The following CDS1 variants were observed in gnomAD, a reference collection of about 807,000 sequenced individuals.
CDS1 encodes phosphatidate cytidylyltransferase 1.
CDS1 carries 41 observed loss-of-function variants against 62.1 expected under a neutral mutation model. The observed-to-expected ratio is 0.66, with a 90% CI of 0.51 to 0.86. CDS1 has a LOEUF of 0.86. CDS1 is among the 40% of genes least tolerant of loss of function. CDS1 has a pLI of 0.00. For synonymous variants in CDS1, 185 were observed against 192.6 expected (o/e 0.96, Z 0.32); for missense variants, 470 against 550.1 (o/e 0.85, Z 1.46).
Position 84,631,833 on chromosome 4 carries a change from G to C in CDS1, c.595G>C (p.Val199Leu). 6.2e-7 allele frequency: 1 copy of C among 1,612,504 alleles called. No individual in the cohort carries two copies. Among genetic ancestry groups the C allele is most frequent in the Non-Finnish European group, 8.5e-7 (1 of 1,178,764 alleles). Residue 199 changes from valine to leucine, a missense_variant, in exon 6 of 13, where the codon GTA becomes CTA. Coordinates refer to ENST00000295887, the MANE Select transcript of CDS1 (RefSeq NM_001263.4). ...ALYLAGFCMFVLSLVKKHYRL... is the reference protein window; with the variant it reads ...ALYLAGFCMFLLSLVKKHYRL... ...TTCTTGAACAGGTTTCTGCATGTTT[G>C]TACTGAGTTTGGTGAAGAAACATTA...
At chr4:84,583,697 C>T (rs550546657) in intron 1 of CDS1, among the ~76,000 whole-genome samples, 179 bp downstream of exon 1, 1 of 152,102 alleles carries the variant, frequency 6.6e-6, no homozygotes, top group Non-Finnish European at 1.5e-5. Context: ...GACCCGGGAT[C>T]CCAGTGGCGG....
At chr4:84,590,637 A>C (rs914798911) in intron 1 of CDS1, among the ~76,000 whole-genome samples, 2 of 152,196 alleles carry the variant, frequency 1.3e-5, no homozygotes, top group Non-Finnish European at 2.9e-5. Context: ...CTTGAGCCAA[A>C]TTTAAAGACT....
chr4:84,629,887 G>A (rs561643536), intron 5 of CDS1, among the ~76,000 whole-genome samples: 1 of 152,336 alleles, frequency 6.6e-6, no homozygotes, highest in East Asian at 1.9e-4. Context: ...ATCATTTCAA[G>A]AAAGAGAAAA....
intron 12 of CDS1, among the ~76,000 whole-genome samples, chr4:84,647,169 T>C (rs1724581752): frequency 6.6e-6 from 1 of 152,198 alleles, no homozygotes; most frequent in South Asian, 2.1e-4. Flanking sequence ...GTTTCTTTTT[T>C]CTAGTAAGCA....
intron 3 of CDS1, among the ~76,000 whole-genome samples, chr4:84,610,563 G>A (rs1019901605): frequency 6.6e-6 from 1 of 152,136 alleles, no homozygotes; most frequent in Non-Finnish European, 1.5e-5. Flanking sequence ...ATGATACAGT[G>A]GTACTGAGAA....
In CDS1 at chr4:84,638,005, C is replaced by T. The variant is rs146251003; in HGVS notation, c.811-919C>T. The stretch of plus-strand genomic sequence containing the variant: ...CTTTATGAATATCAGGACAAGAAGT[C>T]TATGAAGAGCTCCTATAGGTTAACC... On this transcript the variant is annotated intron_variant, in intron 8 of 12. Transcript: ENST00000295887. 4.6e-4 allele frequency among the ~76,000 whole-genome samples: 70 copies of T among 152,274 alleles called. 1 individual carries two copies. The highest frequency in any genetic ancestry group is 1.6e-3 in the African/African-American group (65 of 41,560).
chr4:84,615,271 CGCT>C (rs1467738075), intron 3 of CDS1, among the ~76,000 whole-genome samples: 1 of 152,010 alleles, frequency 6.6e-6, no homozygotes, highest in African/African-American at 2.4e-5. Flanking sequence ...TTCTCTACTC[CGCT>C]ACCACTTCAC....
intron 12 of CDS1, among the ~76,000 whole-genome samples, chr4:84,647,526 T>G (rs1036888979): frequency 2.0e-5 from 3 of 152,204 alleles, no homozygotes; most frequent in Non-Finnish European, 2.9e-5. Flanking sequence ...TTAGCTGAAC[T>G]TGCTAAAGCA....
At chr4:84,634,275 T>C (rs1040005737) in intron 7 of CDS1, among the ~76,000 whole-genome samples, 2 of 152,106 alleles carry the variant, frequency 1.3e-5, no homozygotes, top group African/African-American at 4.8e-5. Context: ...ATTATTTACA[T>C]AGAATGCAAA....
At chr4:84,627,412 G>A (rs1033293139) in intron 5 of CDS1, among the ~76,000 whole-genome samples, 1 of 152,050 alleles carries the variant, frequency 6.6e-6, no homozygotes, top group African/African-American at 2.4e-5. Context: ...TAAAACAAAC[G>A]TTTTCTCTAG....
At chr4:84,633,735 C>T (rs1320166000) in intron 6 of CDS1, 122 bp from the exon 7 acceptor site, 6 of 474,764 alleles carry the variant, frequency 1.3e-5, no homozygotes, top group East Asian at 9.9e-5. Context: ...TTTTATATGA[C>T]TCTAACTTGT....
chr4:84,629,284 T>C (rs1021346972), intron 5 of CDS1, among the ~76,000 whole-genome samples: 1 of 151,424 alleles, frequency 6.6e-6, no homozygotes, highest in African/African-American at 2.4e-5. Context: ...TAAAAAATAA[T>C]ACACAGTTGG....
chr4:84,625,734 A>G (rs1184519027), intron 5 of CDS1, among the ~76,000 whole-genome samples: 3 of 151,948 alleles, frequency 2.0e-5, no homozygotes, highest in South Asian at 2.1e-4. Flanking sequence ...AAGAAATGAT[A>G]TAACCAGATT....
intron 2 of CDS1, among the ~76,000 whole-genome samples, chr4:84,605,979 A>G (rs1413925437): frequency 6.6e-6 from 1 of 152,160 alleles, no homozygotes; most frequent in African/African-American, 2.4e-5. Flanking sequence ...CTGTATTCTT[A>G]TCTATGCTAT....
chr4:84,592,990 C>G (rs1722637785), intron 1 of CDS1, among the ~76,000 whole-genome samples: 1 of 152,146 alleles, frequency 6.6e-6, no homozygotes, highest in Non-Finnish European at 1.5e-5. Flanking sequence ...ATTTATTAAG[C>G]CCATCTGGAA....
chr4:84,643,827 G>A (rs1438832798), intron 11 of CDS1, among the ~76,000 whole-genome samples: 1 of 152,172 alleles, frequency 6.6e-6, no homozygotes, highest in Non-Finnish European at 1.5e-5. Context: ...AAAGTGACAT[G>A]TTATCTCAGC....
At chr4:84,591,000 C>G (rs1722575600) in intron 1 of CDS1, among the ~76,000 whole-genome samples, 3 of 152,024 alleles carry the variant, frequency 2.0e-5, no homozygotes, top group Admixed American at 2.0e-4. Context: ...CTCTCGGGGC[C>G]TGATAATTTA....
intron 8 of CDS1, among the ~76,000 whole-genome samples, chr4:84,637,891 T>C (rs1724262181): frequency 6.6e-6 from 1 of 152,180 alleles, no homozygotes; most frequent in African/African-American, 2.4e-5. Context: ...TGAATTACCC[T>C]AGGAGAAGGT....
intron 1 of CDS1, among the ~76,000 whole-genome samples, chr4:84,594,417 A>G (rs1180765819): frequency 6.6e-6 from 1 of 152,102 alleles, no homozygotes; most frequent in Admixed American, 6.6e-5. Context: ...TCCTTATACA[A>G]ATACTTTACT....
Sources: allele counts gnomAD v4.1 joint callset (sites outside exome capture counted in the v4.1 genomes callset), GRCh38; gene constraint gnomAD v4.1.1; transcripts MANE v1.5; gene names NCBI Gene and HGNC (gene_info 2026-07-23, HGNC 2026-07-21).